HOOK2: variants seen among roughly 807,000 people sequenced by gnomAD.
The protein encoded by HOOK2 is protein Hook homolog 2.
A neutral mutation model predicts 111.9 loss-of-function variants in HOOK2; 108 were observed. The ratio of observed to expected loss-of-function variants is 0.96; its 90% CI spans 0.83 to 1.13. The LOEUF is 1.13. Ranked by LOEUF, HOOK2 falls within the 50% of genes most tolerant of loss-of-function variation. HOOK2 has a pLI of 0.00. For synonymous variants in HOOK2, 405 were observed against 394.3 expected, an observed-to-expected ratio of 1.03 and a Z score of -0.32; for missense variants, 978 against 951.3, an observed-to-expected ratio of 1.03 and a Z score of -0.37.
chr19:12,786,813 G>C lies in HOOK2; in HGVS notation n.42-12588C>G, dbSNP rs960354431. On this transcript the variant is annotated intron_variant and non_coding_transcript_variant, in intron 3 of 3. Coordinates refer to the HOOK2 transcript ENST00000589765. The surrounding 1 kb of genome is among the most constrained non-coding windows in gnomAD (Gnocchi z 4.3). Reference sequence around the variant, plus strand: ...TGGAGGAACCCTACTCCCACATGCTGGCCTGTCCACAGAGACCCGTGCCCC... The same window carrying C: ...TGGAGGAACCCTACTCCCACATGCTCGCCTGTCCACAGAGACCCGTGCCCC... Among the ~76,000 whole-genome samples, 2 of 152,118 alleles carry C rather than the reference G, an allele frequency of 1.3e-5. No homozygotes were observed. Among genetic ancestry groups the C allele is most frequent in the African/African-American group, 4.8e-5 (2 of 41,422 alleles).
intron 7 of HOOK2, 97 bp downstream of exon 7, chr19:12,772,093 A>G (rs1241585310): frequency 7.6e-6 from 7 of 922,248 alleles, no homozygotes; most frequent in Admixed American, 1.9e-5. Context: ...TAACAAGGTT[A>G]AGTCACAAGG....
In HOOK2 at chr19:12,772,240, C is replaced by T. The variant is rs1268715342; in HGVS notation, c.469G>A (p.Asp157Asn). The change falls in exon 7 of 23, where the codon GAC becomes AAC. Residue 157 changes from aspartate to asparagine, a missense_variant. This residue lies in a region of HOOK2 where 301 missense variants were observed against 286.1 expected (regional missense o/e 1.05). Transcript: ENST00000397668. ...TCTGGTGACAGGGAGTCAGGAGTGT[C>T]TTTGGTCATGAGCTGAGGAGTGGGA... ...MEAIQELMTK[D>N]TPDSLSPETY... is the part of the protein sequence containing the mutation. 6.2e-7 allele frequency: 1 copy of T among 1,614,098 alleles called. No homozygotes were observed.
At chr19:12,764,767 G>T in intron 20 of HOOK2, 47 bp downstream of exon 20, 1 of 1,553,338 alleles carries the variant, frequency 6.4e-7, no homozygotes, top group Non-Finnish European at 8.8e-7. Flanking sequence ...GGCACAAAAA[G>T]TAAGAAGCCA....
chr19:12,769,896 C>T lies in HOOK2; in HGVS notation c.1089G>A (p.Glu363=), dbSNP rs1383567335. 1 of 1,489,544 alleles carries T rather than the reference C, an allele frequency of 6.7e-7. No individual in the cohort carries two copies. 92.3% of individuals were successfully genotyped at this position (1,489,544 alleles called of 1,614,324 possible). The change falls in exon 11 of 23, where the codon GAG becomes GAA. Residue 363 remains glutamate (E), a synonymous_variant. Transcript: ENST00000397668. ...CCCGCCGCACCTGCCGCCGCTGCGC[C>T]TCCAGCTGGGCGCGCAGGGAGCCCG... ...RRAGSLRAQL[E]AQRRQVQELQ... is the part of the protein sequence containing the mutation.
chr19:12,770,637 T>C (rs751839766), intron 10 of HOOK2, among the ~76,000 whole-genome samples: 13 of 130,156 alleles, frequency 1.0e-4, no homozygotes, highest in Non-Finnish European at 1.9e-4. Context: ...CAGAGCATTG[T>C]AGGGGAGGTT....
Position 12,766,246 on chromosome 19 carries a change from G to A in HOOK2, c.1374-6C>T, listed in dbSNP as rs780108458. ...GAAGCCGCAGGAGCGTCTCCCTGCA[G>A]ACCCGGGAGGAGAGAGCAGGGCCAG... On this transcript the variant is annotated splice_polypyrimidine_tract_variant and splice_region_variant and intron_variant, in intron 14 of 22. Coordinates refer to ENST00000397668, the MANE Select transcript of HOOK2 (RefSeq NM_013312.3). 12 of 1,563,638 alleles carry A rather than the reference G, an allele frequency of 7.7e-6. No homozygotes were observed. The highest frequency in any genetic ancestry group is 1.0e-5 in the Non-Finnish European group (12 of 1,161,034).
intron 11 of HOOK2, among the ~76,000 whole-genome samples, chr19:12,769,126 C>T (rs914997176): frequency 2.6e-5 from 4 of 152,006 alleles, no homozygotes; most frequent in African/African-American, 7.2e-5. Flanking sequence ...CCACCACGCC[C>T]GGCTAATTTT....
In HOOK2 at chr19:12,773,009, T is replaced by A; in HGVS notation, c.240A>T (p.Val80=). 1 of 1,614,112 alleles carries A rather than the reference T, an allele frequency of 6.2e-7. No homozygotes were observed. The highest frequency in any genetic ancestry group is 8.5e-7 in the Non-Finnish European group (1 of 1,180,022). The change falls in exon 4 of 23, where the codon GTA becomes GTT. Residue 80 remains valine (V), a synonymous_variant. Coordinates refer to ENST00000397668, the MANE Select transcript of HOOK2 (RefSeq NM_013312.3). ...AGTTACTCACATCCTGGGAGTACTC[T>A]ACTAGGCTCCGTAAGACCATCTTCA... The part of the protein sequence containing the change: ...SNLKMVLRSL[V]EYSQDVLAHP...
intron 11 of HOOK2, 34 bp downstream of exon 11, chr19:12,769,847 C>T (rs1205872849): frequency 1.7e-5 from 23 of 1,376,704 alleles, no homozygotes; most frequent in Non-Finnish European, 4.7e-6. Flanking sequence ...CTGCCAGGGG[C>T]GGGGCCCCGG....
Position 12,791,721 on chromosome 19 carries a change from G to A in HOOK2, n.42-17496C>T. 8.8e-6 allele frequency: 12 copies of A among 1,369,944 alleles called. No homozygotes were observed. Among genetic ancestry groups the A allele is most frequent in the Non-Finnish European group, 1.2e-5 (12 of 1,004,574 alleles). The allele number at this position is 1,369,944 out of a possible 1,614,324, so 84.9% of individuals were successfully genotyped here. On this transcript the variant is annotated intron_variant and non_coding_transcript_variant, in intron 3 of 3. Transcript: ENST00000589765. The surrounding 1 kb of genome is among the most constrained non-coding windows in gnomAD (Gnocchi z 7.0). ...GAGAGCTCGCCGCTCGCTGCAGCGA[G>A]GCCCGGAGCGGCCCCGCAGGGACCC...
At chr19:12,771,597 C>T in intron 7 of HOOK2, 120 bp from the exon 8 acceptor site, 1 of 871,956 alleles carries the variant, frequency 1.1e-6, no homozygotes, top group Non-Finnish European at 1.8e-6. Flanking sequence ...GAAAAGAGGG[C>T]TGGCGCCGGG....
chr19:12,763,148 ATCTGGG>A lies in HOOK2; in HGVS notation c.*128_*133del. On this transcript the variant is annotated 3_prime_UTR_variant, in exon 23 of 23. Transcript: ENST00000397668. ...TACCTCCCGCCCTCCCTCCCCACCA[ATCTGGG>A]AGAGGGAAGAGCAGAGATCATGGCC... 2 of 829,900 alleles carry A rather than the reference ATCTGGG, an allele frequency of 2.4e-6. No homozygotes were observed. Among genetic ancestry groups the A allele is most frequent in the Non-Finnish European group, 3.8e-6 (2 of 532,212 alleles). The allele number at this position is 829,900 out of a possible 1,614,324, so 51.4% of individuals were successfully genotyped here. A position where few individuals can be genotyped will look rare whatever the true frequency, so the allele number is the denominator to read the frequency against.
At position 12,786,903 on chromosome 19, in the gene HOOK2, C is replaced by T. The variant is rs919518145; in HGVS notation, n.42-12678G>A. On this transcript the variant is annotated intron_variant and non_coding_transcript_variant, in intron 3 of 3. Transcript: ENST00000589765. This position sits in a 1 kb window ranked among gnomAD's most constrained non-coding sequence, Gnocchi z 4.3. Reference sequence around the variant, plus strand: ...AGACCCTCAGTGGGGTGCGGTGGCTCACACCTGTAATCCCAGCACTTTGGG... The same window carrying T: ...AGACCCTCAGTGGGGTGCGGTGGCTTACACCTGTAATCCCAGCACTTTGGG... Among the ~76,000 whole-genome samples, 1 of 152,218 alleles carries T rather than the reference C, an allele frequency of 6.6e-6. No individual in the cohort carries two copies. The highest frequency in any genetic ancestry group is 2.4e-5 in the African/African-American group (1 of 41,466).
Position 12,767,983 on chromosome 19 carries a change from GGGGCTTGGGCA to G in HOOK2, c.1215+19_1215+29del. 6.2e-7 allele frequency: 1 copy of G among 1,611,766 alleles called. No individual in the cohort carries two copies. Among genetic ancestry groups the G allele is most frequent in the African/African-American group, 1.3e-5 (1 of 75,040 alleles). ...TGGGCTACCCCAGAATTGGCAGGGT[GGGGCTTGGGCA>G]GTGGAACCTCAGCCTCACCTCCTTC... On this transcript the variant is annotated intron_variant, in intron 12 of 22. Transcript: ENST00000397668.
chr19:12,767,770 C>T (rs1210171616), intron 13 of HOOK2, 46 bp downstream of exon 13: 7 of 1,543,438 alleles, frequency 4.5e-6, no homozygotes, highest in Non-Finnish European at 6.2e-6. Flanking sequence ...TCTACCCAAA[C>T]AGTACACCAG....
rs961609420 is a variant in HOOK2 at position 12,786,334 on chromosome 19, G to A, written n.42-12109C>T. 6.6e-6 allele frequency among the ~76,000 whole-genome samples: 1 copy of A among 152,108 alleles called. No individual in the cohort carries two copies. Among genetic ancestry groups the A allele is most frequent in the Non-Finnish European group, 1.5e-5 (1 of 67,958 alleles). On this transcript the variant is annotated intron_variant and non_coding_transcript_variant, in intron 3 of 3. Coordinates refer to the HOOK2 transcript ENST00000589765. This position sits in a 1 kb window ranked among gnomAD's most constrained non-coding sequence, Gnocchi z 4.3. ...AGCCCCCAGCCCAGTTTCCTAGTGA[G>A]GGCCCCACTGGTCAGTGGGGCCAGC... is the stretch of plus-strand genomic sequence containing the variant.
Position 12,771,397 on chromosome 19 carries a change from C to G in HOOK2, c.600G>C (p.Gln200His). 1 of 1,613,342 alleles carries G rather than the reference C, an allele frequency of 6.2e-7. No homozygotes were observed. Among genetic ancestry groups the G allele is most frequent in the Non-Finnish European group, 8.5e-7 (1 of 1,179,708 alleles). The change falls in exon 8 of 23, where the codon CAG (glutamine) becomes CAC (histidine). Residue 200 changes from glutamine (Q) to histidine (H), a missense_variant and splice_region_variant. Gln to His is a conservative substitution (Grantham distance 24). Coordinates refer to ENST00000397668, the MANE Select transcript of HOOK2 (RefSeq NM_013312.3). ...LQQRCLDLER[Q>H]LMLLSEEKQS... is the part of the protein sequence containing the mutation. Reference sequence around the variant, plus strand: ...GACCCTGCCCCACCTAGGGCCCTACCTGCCGCTCCAGATCCAGACAGCGCT... The same window carrying G: ...GACCCTGCCCCACCTAGGGCCCTACGTGCCGCTCCAGATCCAGACAGCGCT...
chr19:12,767,932 C>T lies in HOOK2; in HGVS notation c.1216-29G>A, dbSNP rs193266832. 2.2e-5 allele frequency: 35 copies of T among 1,611,018 alleles called. No homozygotes were observed. In the East Asian group the frequency reaches 2.2e-4, roughly 10 times the overall value. On this transcript the variant is annotated intron_variant, in intron 12 of 22. Transcript: ENST00000397668. ...CAGGGACAGGGTACAAGACACTCCA[C>T]GGGTCAGGCTCGGCCTCCTGGGAAA...
chr19:12,768,467 A>C (rs1968221353), intron 11 of HOOK2, among the ~76,000 whole-genome samples: 1 of 152,138 alleles, frequency 6.6e-6, no homozygotes, highest in South Asian at 2.1e-4. Context: ...GTCTTCAATA[A>C]ATTGCGTTAT....
Sources: allele counts gnomAD v4.1 joint callset (sites outside exome capture counted in the v4.1 genomes callset), GRCh38; gene constraint gnomAD v4.1.1; regional missense constraint gnomAD v4.1.1; non-coding constraint Gnocchi (gnomAD v3.1); transcripts MANE v1.5; gene names NCBI Gene and HGNC (gene_info 2026-07-23, HGNC 2026-07-21).